The following MYBL2 variants were observed in gnomAD, a reference collection of about 807,000 sequenced individuals.
MYBL2 encodes the protein myb-related protein B.
In MYBL2, 28 loss-of-function variants were observed where a neutral mutation model predicts 79.9. That is an observed-to-expected ratio of 0.35 (90% CI 0.26 to 0.48). The LOEUF is 0.48. MYBL2 is among the 20% of genes least tolerant of loss of function. The pLI is 0.99. For synonymous variants in MYBL2, 378 were observed against 361.2 expected, an observed-to-expected ratio of 1.05 and a Z score of -0.53; for missense variants, 735 against 893.9, an observed-to-expected ratio of 0.82 and a Z score of 2.27.
At chr20:43,711,463 T>C in intron 10 of MYBL2, 25 bp from the exon 11 acceptor site, 1 of 1,583,928 alleles carries the variant, frequency 6.3e-7, no homozygotes, top group Non-Finnish European at 8.6e-7. Flanking sequence ...GTGCCTCACG[T>C]GGGCTGCCCC....
chr20:43,712,926 G>C (rs1392384691), intron 11 of MYBL2, 76 bp from the exon 12 acceptor site: 4 of 1,167,802 alleles, frequency 3.4e-6, no homozygotes, highest in Non-Finnish European at 5.0e-6. Flanking sequence ...GACCATCCAT[G>C]GCCATGACCA....
In MYBL2 at chr20:43,704,296, G is replaced by A. The variant is rs1258926559; in HGVS notation, c.1366-923G>A. On this transcript the variant is annotated intron_variant, in intron 8 of 13. Transcript: ENST00000217026. ...CTCCCAAAGTGCTGGGATTACAGGC[G>A]TGAGCCACCGCGCCTGGCCTAACTA... Among the ~76,000 whole-genome samples, 7 of 152,262 alleles carry A rather than the reference G, an allele frequency of 4.6e-5. 1 individual carries two copies. The highest frequency in any genetic ancestry group is 1.7e-4 in the African/African-American group (7 of 41,556).
At chr20:43,667,910 C>G (rs2145701892) in intron 1 of MYBL2, among the ~76,000 whole-genome samples, 1 of 152,290 alleles carries the variant, frequency 6.6e-6, no homozygotes, top group East Asian at 1.9e-4. Context: ...ACCTCTCTTC[C>G]TGTTCCCACG....
intron 1 of MYBL2, among the ~76,000 whole-genome samples, chr20:43,672,753 A>G (rs2145706085): frequency 6.6e-6 from 1 of 152,288 alleles, no homozygotes; most frequent in East Asian, 1.9e-4. Flanking sequence ...TCCCTAAAAG[A>G]AGAAAAACAA....
rs762560353 is a variant in MYBL2 at position 43,712,995 on chromosome 20, C to A, written c.1720-7C>A. On this transcript the variant is annotated splice_region_variant and splice_polypyrimidine_tract_variant and intron_variant, in intron 11 of 13. Transcript: ENST00000217026. ...ACCCTAACCCCCTTCTATCTGCCAA[C>A]CCCTAGCTGCGGCGGAGCCCCATCA... is the stretch of plus-strand genomic sequence containing the variant. 1.2e-6 allele frequency: 2 copies of A among 1,605,026 alleles called. No individual in the cohort carries two copies. The highest frequency in any genetic ancestry group is 2.2e-5 in the South Asian group (2 of 89,614).
chr20:43,713,684 G>C (rs1987964156), intron 12 of MYBL2, among the ~76,000 whole-genome samples: 1 of 152,210 alleles, frequency 6.6e-6, no homozygotes, highest in Admixed American at 6.5e-5. Flanking sequence ...ACCGTGCCCA[G>C]CCTAGTAATG....
intron 1 of MYBL2, 71 bp downstream of exon 1, chr20:43,667,374 C>T (rs982563115): frequency 1.3e-5 from 14 of 1,089,952 alleles, no homozygotes; most frequent in Non-Finnish European, 1.5e-5. Flanking sequence ...CCAGATACCC[C>T]CGACCCTCCC....
At chr20:43,675,911 G>GTTTTT (rs3092199) in intron 2 of MYBL2, among the ~76,000 whole-genome samples, 35 of 144,742 alleles carry the variant, frequency 2.4e-4, no homozygotes, top group Admixed American at 4.1e-4. Context: ...CCAATAGGTA[G>GTTTTT]TTTTTTTTTT....
chr20:43,712,827 AC>A, intron 11 of MYBL2, among the ~76,000 whole-genome samples, 174 bp from the exon 12 acceptor site: 1 of 152,210 alleles, frequency 6.6e-6, no homozygotes, highest in South Asian at 2.1e-4. Context: ...ATGGGGCCTA[AC>A]TTTCCCAGCC....
intron 6 of MYBL2, among the ~76,000 whole-genome samples, chr20:43,694,844 G>A (rs1367448236): frequency 6.6e-6 from 1 of 152,112 alleles, no homozygotes; most frequent in African/African-American, 2.4e-5. Context: ...GAGAAACAGC[G>A]GGCATCAGCC....
At position 43,702,679 on chromosome 20, in the gene MYBL2, C is replaced by A; in HGVS notation, c.1141C>A (p.Leu381Met). 2 of 1,613,988 alleles carry A rather than the reference C, an allele frequency of 1.2e-6. No individual in the cohort carries two copies. The highest frequency in any genetic ancestry group is 8.5e-7 in the Non-Finnish European group (1 of 1,179,934). Residue 381 changes from leucine (L) to methionine (M), a missense_variant, in exon 8 of 14, where the codon CTG (leucine) becomes ATG (methionine). By Grantham distance (15) the Leu-to-Met change is conservative. Around this residue, in one of 5 missense-constraint regions of MYBL2, gnomAD observed 243 missense variants for 327.2 expected, o/e 0.74. Transcript: ENST00000217026. The stretch of plus-strand genomic sequence containing the variant: ...CCTGGATGGCCACACCATCTCAGAC[C>A]TGAGCCGGAGCAGCCGGGGCGAGCT... ...YRLDGHTISD[L>M]SRSSRGELIP...
chr20:43,688,752 A>G (rs763227021), intron 5 of MYBL2, among the ~76,000 whole-genome samples: 7 of 152,096 alleles, frequency 4.6e-5, no homozygotes, highest in Non-Finnish European at 8.8e-5. Context: ...CTGGCACCCT[A>G]TTCTTATTTT....
chr20:43,691,262 G>C (rs1017384745), intron 5 of MYBL2, among the ~76,000 whole-genome samples: 2 of 152,166 alleles, frequency 1.3e-5, no homozygotes, highest in African/African-American at 2.4e-5. Context: ...GGAAGGGGGT[G>C]AGAGTTCCAA....
At chr20:43,685,689 A>C (rs1275565646) in intron 4 of MYBL2, among the ~76,000 whole-genome samples, 1 of 151,918 alleles carries the variant, frequency 6.6e-6, no homozygotes, top group Non-Finnish European at 1.5e-5. Context: ...CAGGAGACGG[A>C]GGTTGCAGTG....
intron 2 of MYBL2, among the ~76,000 whole-genome samples, chr20:43,677,844 C>T (rs1987046790): frequency 6.6e-6 from 1 of 152,102 alleles, no homozygotes; most frequent in African/African-American, 2.4e-5. Context: ...ATGACAATGG[C>T]AGTTTTGTGG....
intron 2 of MYBL2, among the ~76,000 whole-genome samples, chr20:43,680,524 C>T (rs1194926717): frequency 6.6e-6 from 1 of 151,876 alleles, no homozygotes; most frequent in Non-Finnish European, 1.5e-5. Context: ...TGGAGTCTCA[C>T]TCTTGCTCTG....
rs187265695 is a variant in MYBL2 at position 43,690,589 on chromosome 20, A to G, written c.501-1568A>G. The stretch of plus-strand genomic sequence containing the variant: ...CACCCCTTACCCTACACCTTTGCCC[A>G]GTGAGCATTGTGTCCCTGAAGGCTT... On this transcript the variant is annotated intron_variant, in intron 5 of 13. Coordinates refer to ENST00000217026, the MANE Select transcript of MYBL2 (RefSeq NM_002466.4). Among the ~76,000 whole-genome samples the G allele has an allele frequency of 1.4e-4, 22 of 152,324 alleles. No individual in the cohort carries two copies. The East Asian group carries it at 3.7e-3, about 25-fold the overall frequency.
At chr20:43,671,982 G>A (rs1986870918) in intron 1 of MYBL2, among the ~76,000 whole-genome samples, 1 of 151,786 alleles carries the variant, frequency 6.6e-6, no homozygotes, top group Admixed American at 6.6e-5. Flanking sequence ...GGCCAAGGCG[G>A]GTGGATCACG....
At chr20:43,698,605 C>T (rs1366510216) in intron 6 of MYBL2, among the ~76,000 whole-genome samples, 3 of 150,994 alleles carry the variant, frequency 2.0e-5, no homozygotes, top group East Asian at 3.9e-4. Context: ...TCTCGATCCT[C>T]CTGACCTTGT....
Sources: gnomAD v4.1 joint callset for allele counts (sites outside exome capture counted in the v4.1 genomes callset) on GRCh38, gnomAD v4.1.1 for gene constraint, gnomAD v4.1.1 regional missense constraint, MANE v1.5 for transcripts, NCBI Gene and HGNC (gene_info 2026-07-23, HGNC 2026-07-21) for gene names.